ALPL: variants seen among roughly 807,000 people sequenced by gnomAD.
ALPL encodes the protein alkaline phosphatase, biomineralization associated.
In ALPL, 42 loss-of-function variants were observed where a neutral mutation model predicts 51.3. The observed-to-expected ratio is 0.82, with a 90% confidence interval of 0.64 to 1.06. The LOEUF (loss-of-function observed/expected upper bound fraction) is 1.06. ALPL is among the 50% of genes least tolerant of loss of function. The pLI, the probability that ALPL is intolerant of heterozygous loss-of-function variation, is 0.00. For missense variants in ALPL, 589 were observed against 709.4 expected (o/e 0.83, Z 1.93); for synonymous variants, 279 against 296.4 (o/e 0.94, Z 0.60).
chr1:21,519,728 C>T (rs368143227), intron 1 of ALPL, among the ~76,000 whole-genome samples: 3 of 152,126 alleles, frequency 2.0e-5, no homozygotes, highest in African/African-American at 7.2e-5. Flanking sequence ...ATCCGGGAGG[C>T]GGAGGTTGCA....
In ALPL at chr1:21,564,185, A is replaced by C. The variant is rs780790767; in HGVS notation, c.617A>C (p.Tyr206Ser). ...ALSQGCKDIAYQLMHNIRDID... is the reference protein window; with the variant it reads ...ALSQGCKDIASQLMHNIRDID... ...AGCCAGGGCTGTAAGGACATCGCCT[A>C]CCAGCTCATGCATAACATCAGGGAC... is the stretch of plus-strand genomic sequence containing the variant. The change falls in exon 6 of 12, where the codon TAC becomes TCC. Residue 206 changes from tyrosine (Y) to serine (S), a missense_variant. Coordinates refer to ENST00000374840, the MANE Select transcript of ALPL (RefSeq NM_000478.6). This position sits in a 1 kb window ranked among gnomAD's most constrained non-coding sequence, Gnocchi z 5.8. 6.2e-7 allele frequency: 1 copy of C among 1,613,986 alleles called. No individual in the cohort carries two copies. Among genetic ancestry groups the C allele is most frequent in the Non-Finnish European group, 8.5e-7 (1 of 1,179,998 alleles).
chr1:21,545,295 T>TTG (rs1644239634), intron 1 of ALPL, among the ~76,000 whole-genome samples: 2 of 151,972 alleles, frequency 1.3e-5, no homozygotes, highest in African/African-American at 4.8e-5. Context: ...TTGTTTTTGT[T>TTG]TTTGTTTTTT....
chr1:21,538,606 C>G (rs1446666989), intron 1 of ALPL, among the ~76,000 whole-genome samples: 2 of 152,212 alleles, frequency 1.3e-5, no homozygotes, highest in African/African-American at 2.4e-5. Flanking sequence ...GTGGGGCCAT[C>G]TGCACAATGG....
rs1384701659 is a variant in ALPL, at chr1:21,563,146, G to C, written c.334G>C (p.Gly112Arg). The C allele has an allele frequency of 6.2e-7, 1 of 1,613,746 alleles. No homozygotes were observed. The highest frequency in any genetic ancestry group is 1.7e-5 in the Admixed American group (1 of 60,026). Reference sequence around the variant, plus strand: ...CAATGCCCAGGTCCCTGACAGTGCCGGCACCGCCACCGCCTACCTGTGTGG... The same window carrying C: ...CAATGCCCAGGTCCCTGACAGTGCCCGCACCGCCACCGCCTACCTGTGTGG... ...NTNAQVPDSA[G>R]TATAYLCGVK... Residue 112 changes from glycine to arginine, a missense_variant, in exon 5 of 12, where the codon GGC becomes CGC. Transcript: ENST00000374840.
Position 21,563,605 on chromosome 1 carries a change from G to T in ALPL, c.472+321G>T, listed in dbSNP as rs1570275224. 2.0e-5 allele frequency among the ~76,000 whole-genome samples: 3 copies of T among 152,262 alleles called. No homozygotes were observed. The East Asian group carries it at 5.8e-4, about 29-fold the overall frequency. The stretch of plus-strand genomic sequence containing the variant: ...AAGTCAGCCCAGGGCTAGCCTGTGG[G>T]GTGCAGTCCATGGCCACGCCCCTTC... On this transcript the variant is annotated intron_variant, in intron 5 of 11. Coordinates refer to ENST00000374840, the MANE Select transcript of ALPL (RefSeq NM_000478.6).
At chr1:21,532,792 A>C (rs1644048000) in intron 1 of ALPL, among the ~76,000 whole-genome samples, 1 of 151,508 alleles carries the variant, frequency 6.6e-6, no homozygotes, top group South Asian at 2.1e-4. Flanking sequence ...CATCCTCAAG[A>C]CTCCTTCCCT....
chr1:21,563,193 C>A lies in ALPL; in HGVS notation c.381C>A (p.Thr127=). 6.2e-7 allele frequency: 1 copy of A among 1,613,964 alleles called. No individual in the cohort carries two copies. The highest frequency in any genetic ancestry group is 8.5e-7 in the Non-Finnish European group (1 of 1,180,022). Residue 127 remains threonine (T), a synonymous_variant, in exon 5 of 12, where the codon ACC becomes ACA. Transcript: ENST00000374840. The part of the protein sequence containing the change: ...YLCGVKANEG[T]VGVSAATERS... ...GTGGGGTGAAGGCCAATGAGGGCAC[C>A]GTGGGGGTAAGCGCAGCCACTGAGC... is the stretch of plus-strand genomic sequence containing the variant.
intron 9 of ALPL, 42 bp downstream of exon 9, chr1:21,573,841 C>T (rs759496257): frequency 1.5e-5 from 25 of 1,613,382 alleles, no homozygotes; most frequent in African/African-American, 2.7e-5. Flanking sequence ...GCTGGAAACA[C>T]GGCCCTGGTG....
rs377110098 is a variant in ALPL at position 21,577,426 on chromosome 1, C to T, written c.1353C>T (p.His451=). 20 of 1,613,012 alleles carry T rather than the reference C, an allele frequency of 1.2e-5. 1 individual carries two copies. Among genetic ancestry groups the T allele is most frequent in the South Asian group, 1.1e-4 (10 of 91,094 alleles). The change falls in exon 12 of 12, where the codon CAC becomes CAT. Residue 451 remains histidine (H), a synonymous_variant. Transcript: ENST00000374840. ...YQAQSAVPLR[H]ETHGGEDVAV... ...CGCAGTCTGCTGTGCCCCTGCGCCA[C>T]GAGACCCACGGCGGGGAGGACGTGG...
chr1:21,554,299 G>A (rs1225506567), intron 2 of ALPL, among the ~76,000 whole-genome samples, 157 bp downstream of exon 2: 1 of 149,524 alleles, frequency 6.7e-6, no homozygotes, highest in African/African-American at 2.5e-5. Context: ...ACTTGCATGT[G>A]TTAGTTGGAT....
chr1:21,548,361 G>C (rs1350145727), intron 1 of ALPL, among the ~76,000 whole-genome samples: 8 of 152,242 alleles, frequency 5.3e-5, no homozygotes, highest in Admixed American at 5.2e-4. Flanking sequence ...GGAGGCTATG[G>C]GAGAAGGCAC....
At chr1:21,555,366 T>A (rs958328110) in intron 2 of ALPL, among the ~76,000 whole-genome samples, 7 of 152,232 alleles carry the variant, frequency 4.6e-5, no homozygotes, top group African/African-American at 1.7e-4. Context: ...TGGATGTATA[T>A]GTGCAGGTCA....
At chr1:21,513,942 C>T (rs912515769) in intron 1 of ALPL, among the ~76,000 whole-genome samples, 1 of 152,190 alleles carries the variant, frequency 6.6e-6, no homozygotes, top group Non-Finnish European at 1.5e-5. Context: ...CCTGACATTA[C>T]CTACCTACCT....
At chr1:21,546,601 C>T (rs1409231397) in intron 1 of ALPL, among the ~76,000 whole-genome samples, 2 of 152,242 alleles carry the variant, frequency 1.3e-5, no homozygotes, top group Non-Finnish European at 2.9e-5. Flanking sequence ...CGTCCACCTC[C>T]AGCCTGTGTG....
Position 21,577,746 on chromosome 1 carries a change from C to G in ALPL, c.*98C>G. The G allele has an allele frequency of 6.9e-7, 1 of 1,446,976 alleles. No homozygotes were observed. The highest frequency in any genetic ancestry group is 9.3e-7 in the Non-Finnish European group (1 of 1,079,360). 89.6% of individuals were successfully genotyped at this position (1,446,976 alleles called of 1,614,324 possible). On this transcript the variant is annotated 3_prime_UTR_variant, in exon 12 of 12. Transcript: ENST00000374840. ...GGCAGGGAGGTGGGGGCCTCCTCAG[C>G]CTCTGCAACTGCAAGAAAGGGGACC...
intron 2 of ALPL, among the ~76,000 whole-genome samples, chr1:21,554,525 C>G (rs12410718): frequency 0.21 from 30,133 of 146,060 alleles, 3,303 homozygotes; most frequent in Middle Eastern, 0.34. Context: ...GGGTTTCGCT[C>G]TGTTGCCCAA....
chr1:21,573,591 C>A lies in ALPL; in HGVS notation c.863-74C>A, dbSNP rs182911097. On this transcript the variant is annotated intron_variant, in intron 8 of 11. Transcript: ENST00000374840. The stretch of plus-strand genomic sequence containing the variant: ...TGGGGAGCCTGCATTCCCTGAGACA[C>A]CCCAGCTTCCTTGGAGTCCTCCTAG... 101 of 1,584,474 alleles carry A rather than the reference C, an allele frequency of 6.4e-5. No individual in the cohort carries two copies. The African/African-American group carries it at 1.2e-3, about 19-fold the overall frequency.
intron 1 of ALPL, among the ~76,000 whole-genome samples, chr1:21,550,398 G>T (rs1644305575): frequency 6.6e-6 from 1 of 152,130 alleles, no homozygotes; most frequent in Admixed American, 6.6e-5. Flanking sequence ...TTTCTCATCT[G>T]TAAAAGGAGA....
intron 1 of ALPL, among the ~76,000 whole-genome samples, chr1:21,542,604 G>A (rs1481532485): frequency 2.0e-5 from 3 of 152,248 alleles, no homozygotes; most frequent in African/African-American, 4.8e-5. Context: ...TGCTTTGGGA[G>A]GCCGAGGCGG....
Sources: allele counts gnomAD v4.1 joint callset (sites outside exome capture counted in the v4.1 genomes callset), GRCh38; gene constraint gnomAD v4.1.1; non-coding constraint Gnocchi (gnomAD v3.1); transcripts MANE v1.5; gene names NCBI Gene and HGNC (gene_info 2026-07-23, HGNC 2026-07-21).